The following CMIP variants were observed in gnomAD, a reference collection of about 807,000 sequenced individuals.
The protein encoded by CMIP is C-Maf-inducing protein.
Under a neutral mutation model 97.3 loss-of-function variants are expected in CMIP, and 13 were observed. That is an observed-to-expected ratio of 0.13 (90% CI 0.09 to 0.21). The LOEUF is 0.21. CMIP is among the 10% of genes least tolerant of loss of function. The pLI is 1.00. For missense variants in CMIP, 847 were observed against 1,024.9 expected (o/e 0.83, Z 2.37); for synonymous variants, 538 against 436.3 (o/e 1.23, Z -2.91).
At chr16:81,569,419 TCCA>T (rs1232377196) in intron 1 of CMIP, among the ~76,000 whole-genome samples, 2 of 152,244 alleles carry the variant, frequency 1.3e-5, no homozygotes, top group Non-Finnish European at 2.9e-5. Context: ...TTGCTTATTT[TCCA>T]CCACTGTTTG....
intron 1 of CMIP, among the ~76,000 whole-genome samples, chr16:81,511,026 T>C (rs981708503): frequency 2.6e-5 from 4 of 152,152 alleles, no homozygotes; most frequent in Non-Finnish European, 5.9e-5. Flanking sequence ...AGCCTAACTT[T>C]GGGAAATTTT....
At chr16:81,476,189 G>T in intron 1 of CMIP, 1 of 1,277,900 alleles carries the variant, frequency 7.8e-7, no homozygotes. Flanking sequence ...GTGGAAAACT[G>T]GGAACCGTTT....
At chr16:81,703,781 C>T in intron 17 of CMIP, 158 bp from the exon 18 acceptor site, 1 of 1,005,188 alleles carries the variant, frequency 9.9e-7, no homozygotes, top group Non-Finnish European at 1.4e-6. Context: ...TGGCCCATCC[C>T]ACCGAGCTGT....
At chr16:81,551,517 G>A (rs1026366588) in intron 1 of CMIP, among the ~76,000 whole-genome samples, 8 of 152,226 alleles carry the variant, frequency 5.3e-5, no homozygotes, top group Non-Finnish European at 8.8e-5. Context: ...AGAGGACCAC[G>A]TCGGGCCAGC....
chr16:81,569,202 A>C (rs548055360), intron 1 of CMIP, among the ~76,000 whole-genome samples: 101 of 152,272 alleles, frequency 6.6e-4, no homozygotes, highest in Non-Finnish European at 1.0e-3. Context: ...ATCCCTTGAG[A>C]ATATCTGTAG....
chr16:81,579,037 G>C (rs572329241), intron 1 of CMIP, among the ~76,000 whole-genome samples: 3 of 152,332 alleles, frequency 2.0e-5, no homozygotes, highest in Admixed American at 6.5e-5. Context: ...TGCCTCTCCT[G>C]AGTCTGTTTT....
At chr16:81,656,474 C>G (rs1304049350) in intron 4 of CMIP, among the ~76,000 whole-genome samples, 1 of 152,190 alleles carries the variant, frequency 6.6e-6, no homozygotes, top group African/African-American at 2.4e-5. Context: ...AACAGACAAG[C>G]AAAGCAGAAC....
At chr16:81,521,780 A>C (rs2090032752) in intron 1 of CMIP, among the ~76,000 whole-genome samples, 1 of 152,318 alleles carries the variant, frequency 6.6e-6, no homozygotes, top group African/African-American at 2.4e-5. Context: ...TTAGGGGGTC[A>C]GTTGGGTTTT....
chr16:81,478,122 C>G (rs145448352), intron 1 of CMIP, among the ~76,000 whole-genome samples: 200 of 152,292 alleles, frequency 1.3e-3, no homozygotes, highest in Non-Finnish European at 1.6e-3. Flanking sequence ...TTCCCCCCCA[C>G]CCCAGAAAGT....
chr16:81,604,395 T>TAAA (rs1233838928), intron 1 of CMIP, among the ~76,000 whole-genome samples: 1 of 74,704 alleles, frequency 1.3e-5, no homozygotes, highest in African/African-American at 8.4e-5. Context: ...AAACTCTGTC[T>TAAA]CAAAAAAAAA....
At chr16:81,559,217 T>G (rs2090828561) in intron 1 of CMIP, among the ~76,000 whole-genome samples, 1 of 152,182 alleles carries the variant, frequency 6.6e-6, no homozygotes, top group Non-Finnish European at 1.5e-5. Flanking sequence ...CCAGACAGTT[T>G]GATATCAGAC....
chr16:81,595,761 G>A (rs1324429081), intron 1 of CMIP, among the ~76,000 whole-genome samples: 1 of 152,126 alleles, frequency 6.6e-6, no homozygotes, highest in African/African-American at 2.4e-5. Context: ...CCATTGAATG[G>A]ATAGACAACA....
At chr16:81,530,231 C>G (rs1287980462) in intron 1 of CMIP, among the ~76,000 whole-genome samples, 1 of 152,162 alleles carries the variant, frequency 6.6e-6, no homozygotes, top group Non-Finnish European at 1.5e-5. Context: ...TTATGAGGCT[C>G]CAGCCTTCTT....
intron 3 of CMIP, among the ~76,000 whole-genome samples, chr16:81,642,590 C>T (rs1488145667): frequency 6.6e-6 from 1 of 152,202 alleles, no homozygotes; most frequent in African/African-American, 2.4e-5. Context: ...CAGCACTATT[C>T]ATGATAGCCT....
At chr16:81,530,956 C>T (rs2090222837) in intron 1 of CMIP, among the ~76,000 whole-genome samples, 1 of 152,194 alleles carries the variant, frequency 6.6e-6, no homozygotes, top group Non-Finnish European at 1.5e-5. Context: ...AACGTAGCCA[C>T]CAGCTAGCCT....
At chr16:81,603,367 C>T (rs764934458) in intron 1 of CMIP, 26 of 454,160 alleles carry the variant, frequency 5.7e-5, no homozygotes, top group Non-Finnish European at 1.0e-4. Context: ...CAGGCGTGAG[C>T]CACCGCGCCC....
At chr16:81,577,377 T>TTCA (rs1178135415) in intron 1 of CMIP, among the ~76,000 whole-genome samples, 1 of 134,124 alleles carries the variant, frequency 7.5e-6, no homozygotes, top group East Asian at 2.6e-4. Flanking sequence ...AACCATCACC[T>TTCA]TCATCACCAC....
At chr16:81,680,001 C>T (rs1342111934) in intron 10 of CMIP, among the ~76,000 whole-genome samples, 2 of 152,234 alleles carry the variant, frequency 1.3e-5, no homozygotes, top group African/African-American at 4.8e-5. Context: ...GCCCCACTCT[C>T]AGGAGTTTTG....
intron 10 of CMIP, among the ~76,000 whole-genome samples, chr16:81,689,392 A>T (rs1185757929): frequency 6.6e-6 from 1 of 152,088 alleles, no homozygotes; most frequent in Admixed American, 6.5e-5. Context: ...TTTCATTTGC[A>T]TTTCTCTGAT....
Sources: allele counts gnomAD v4.1 joint callset (sites outside exome capture counted in the v4.1 genomes callset), GRCh38; gene constraint gnomAD v4.1.1; transcripts MANE v1.5; gene names NCBI Gene and HGNC (gene_info 2026-07-23, HGNC 2026-07-21).